Variants in CTSE observed in about 807,000 individuals in gnomAD.
The protein encoded by CTSE is cathepsin E, also known as erythrocyte membrane aspartic proteinase.
In CTSE, 43 loss-of-function variants were observed where a neutral mutation model predicts 42.8. The ratio of observed to expected loss-of-function variants is 1.01; its 90% confidence interval spans 0.79 to 1.30. The LOEUF is 1.30. Among genes scored for constraint, CTSE ranks in the 50% most tolerant of loss-of-function variants. The probability of loss-of-function intolerance (pLI) is 0.00; values close to 1 mark genes in which losing one functional copy is unlikely to be tolerated. For missense variants in CTSE, 532 were observed against 493.5 expected, an observed-to-expected ratio of 1.08 and a Z score of -0.74; for synonymous variants, 205 against 191.5, an observed-to-expected ratio of 1.07 and a Z score of -0.58.
chr1:206,023,102 C>T (rs1396339670), intron 1 of CTSE, 45 bp from the exon 2 acceptor site: 3 of 1,598,700 alleles, frequency 1.9e-6, no homozygotes, highest in African/African-American at 1.3e-5. Flanking sequence ...CTTCTGCCTC[C>T]CTCTTCCCCC....
Position 206,010,318 on chromosome 1 carries a change from G to C in CTSE, c.1056C>G (p.Ser352Arg). The C allele has an allele frequency of 6.2e-7, 1 of 1,613,722 alleles. No individual in the cohort carries two copies. The highest frequency in any genetic ancestry group is 1.7e-4 in the Middle Eastern group (1 of 6,008). ...GGATGTCAAGTCCTTGAAAGCCACT[G>C]CTGCAGAACTGCATTCCATCCACGA... Reference protein sequence around the residue: ...LDFVDGMQFCSSGFQGLDIHP... With the variant: ...LDFVDGMQFCRSGFQGLDIHP... Residue 352 changes from serine to arginine, a missense_variant, in exon 9 of 9, where the codon AGC becomes AGG. Physicochemically the swap from Ser to Arg is moderately radical, Grantham distance 110. Transcript: ENST00000358184.
intron 3 of CTSE, 154 bp from the exon 4 acceptor site, chr1:206,021,321 G>T: frequency 1.5e-6 from 1 of 647,396 alleles, no homozygotes; most frequent in Non-Finnish European, 2.8e-6. Flanking sequence ...CCTCCCTAAT[G>T]AACAACTACA....
rs782132606 is a variant in CTSE, at chr1:206,012,520, G to T, written c.915C>A (p.Pro305=). ...GGCAGGCACTCACTTCTCCATCCAC[G>T]GGGGCTGCCCCAATGGCGTTTTGCA... is the stretch of plus-strand genomic sequence containing the variant. The part of the protein sequence containing the change: ...KQLQNAIGAA[P]VDGEYAVECA... The change falls in exon 7 of 9, where the codon CCC becomes CCA. Residue 305 remains proline (P), a synonymous_variant. Coordinates refer to ENST00000358184, the MANE Select transcript of CTSE (RefSeq NM_001910.4). 6 of 1,613,968 alleles carry T rather than the reference G, an allele frequency of 3.7e-6. No homozygotes were observed. Among genetic ancestry groups the T allele is most frequent in the Non-Finnish European group, 4.2e-6 (5 of 1,179,936 alleles).
rs782763639 is a variant in CTSE, at chr1:206,009,948, TA to T, written c.*234del. Reference sequence around the variant, plus strand: ...AAAATCAATACAAAATATGAATGTATAACGTAATTCCTCCATCATGACGGTG... The same window carrying T: ...AAAATCAATACAAAATATGAATGTATACGTAATTCCTCCATCATGACGGTG... On this transcript the variant is annotated 3_prime_UTR_variant, in exon 9 of 9. Coordinates refer to ENST00000358184, the MANE Select transcript of CTSE (RefSeq NM_001910.4). 7.0e-5 allele frequency: 36 copies of T among 512,368 alleles called. No homozygotes were observed. The highest frequency in any genetic ancestry group is 9.4e-5 in the Non-Finnish European group (27 of 288,320). The allele number at this position is 512,368 out of a possible 1,614,324, so 31.7% of individuals were successfully genotyped here.
At chr1:206,012,450 C>T in intron 7 of CTSE, 44 bp from the exon 8 acceptor site, 1 of 1,613,754 alleles carries the variant, frequency 6.2e-7, no homozygotes, top group Non-Finnish European at 8.5e-7. Context: ...TTGCCACCTC[C>T]CAAGAGAAGG....
Position 206,021,060 on chromosome 1 carries a change from C to A in CTSE, c.451G>T (p.Asp151Tyr). ...TGSLSGIIGA[D>Y]QVSVEGLTVV... ...GGACTTGCACTCACAGAGACTTGGT[C>A]GGCTCCAATGATCCCGGACAAGCTC... The change falls in exon 4 of 9, where the codon GAC (aspartate) becomes TAC (tyrosine). Residue 151 changes from aspartate to tyrosine, a missense_variant. Transcript: ENST00000358184. The A allele has an allele frequency of 6.2e-7, 1 of 1,608,760 alleles. No individual in the cohort carries two copies. The highest frequency in any genetic ancestry group is 2.2e-5 in the East Asian group (1 of 44,880).
chr1:206,013,386 G>C (rs1334393886), intron 6 of CTSE, among the ~76,000 whole-genome samples: 1 of 152,024 alleles, frequency 6.6e-6, no homozygotes, highest in Non-Finnish European at 1.5e-5. Context: ...CCATTTTACA[G>C]GATAGTGGTT....
At chr1:206,012,246 G>C (rs1661121570) in intron 8 of CTSE, 62 bp downstream of exon 8, 2 of 1,369,298 alleles carry the variant, frequency 1.5e-6, no homozygotes, top group African/African-American at 1.4e-5. Context: ...CGATTGAAAA[G>C]GGGAAGTGGC....
Position 206,012,300 on chromosome 1 carries a change from G to T in CTSE, c.1026+8C>A. 6.2e-7 allele frequency: 1 copy of T among 1,609,834 alleles called. No individual in the cohort carries two copies. Among genetic ancestry groups the T allele is most frequent in the Non-Finnish European group, 8.5e-7 (1 of 1,176,272 alleles). ...CTGTGGCCTGCAGAATAAGGAAACA[G>T]TTCTTACCAGTAGGGTGTAGGCAGT... On this transcript the variant is annotated splice_region_variant and intron_variant, in intron 8 of 8. Transcript: ENST00000358184.
In CTSE at chr1:206,012,303, C is replaced by G. The variant is rs782579081; in HGVS notation, c.1026+5G>C. 1.4e-5 allele frequency: 23 copies of G among 1,610,824 alleles called. No individual in the cohort carries two copies. The highest frequency in any genetic ancestry group is 1.5e-5 in the Non-Finnish European group (18 of 1,177,284). On this transcript the variant is annotated splice_donor_5th_base_variant and intron_variant, in intron 8 of 8. Transcript: ENST00000358184. Reference sequence around the variant, plus strand: ...TGGCCTGCAGAATAAGGAAACAGTTCTTACCAGTAGGGTGTAGGCAGTTGG... The same window carrying G: ...TGGCCTGCAGAATAAGGAAACAGTTGTTACCAGTAGGGTGTAGGCAGTTGG...
At chr1:206,020,812 C>G (rs1001388311) in intron 4 of CTSE, among the ~76,000 whole-genome samples, 2 of 152,018 alleles carry the variant, frequency 1.3e-5, no homozygotes, top group Non-Finnish European at 2.9e-5. Context: ...GCTTTGTGCA[C>G]TGGGCACTGC....
rs1384842325 is a variant in CTSE, at chr1:206,012,553, A to T, written c.882T>A (p.Ile294=). The T allele has an allele frequency of 6.2e-7, 1 of 1,613,866 alleles. No homozygotes were observed. ...CCCCAATGGCGTTTTGCAGCTGCTT[A>T]ATCTTGTCGGAAGGGCCAGTGATGA... ...TSLITGPSDK[I]KQLQNAIGAA... Residue 294 remains isoleucine, a synonymous_variant, in exon 7 of 9, where the codon ATT becomes ATA. Transcript: ENST00000358184.
intron 1 of CTSE, 76 bp from the exon 2 acceptor site, chr1:206,023,133 A>C: frequency 1.0e-5 from 6 of 581,136 alleles, no homozygotes; most frequent in South Asian, 1.6e-5. Context: ...CCATTTTCTC[A>C]GGGGCCAACT....
Position 206,023,776 on chromosome 1 carries a change from G to A in CTSE, c.16C>T (p.Leu6Phe). The A allele has an allele frequency of 6.2e-7, 1 of 1,613,756 alleles. No homozygotes were observed. Among genetic ancestry groups the A allele is most frequent in the Non-Finnish European group, 8.5e-7 (1 of 1,179,810 alleles). MKTLL[L>F]LLLVLLELGE... ...AGCTCCAGGAGCACCAGCAGCAAAAGAAGGAGCGTTTTCATTGTGAGTCCG... is the reference window on the plus strand; with the variant it reads ...AGCTCCAGGAGCACCAGCAGCAAAAAAAGGAGCGTTTTCATTGTGAGTCCG... The change falls in exon 1 of 9, where the codon CTT becomes TTT. Residue 6 changes from leucine (L) to phenylalanine (F), a missense_variant. Transcript: ENST00000358184.
At position 206,021,053 on chromosome 1, in the gene CTSE, A is replaced by C. The variant is rs1661401992; in HGVS notation, c.458T>G (p.Val153Gly). The C allele has an allele frequency of 1.9e-6, 3 of 1,603,572 alleles. No individual in the cohort carries two copies. The East Asian group carries it at 6.7e-5, about 36-fold the overall frequency. ...SLSGIIGADQ[V>G]SVEGLTVVGQ... is the part of the protein sequence containing the mutation. ...AAATGAAGGACTTGCACTCACAGAG[A>C]CTTGGTCGGCTCCAATGATCCCGGA... Residue 153 changes from valine (V) to glycine (G), a missense_variant, in exon 4 of 9, where the codon GTC becomes GGC. Val to Gly is a moderately radical substitution (Grantham distance 109). Transcript: ENST00000358184.
chr1:206,022,124 C>T (rs781835119), intron 3 of CTSE, 26 bp downstream of exon 3: 1 of 1,494,938 alleles, frequency 6.7e-7, no homozygotes, highest in East Asian at 2.3e-5. Context: ...CAGACATTCT[C>T]TGCTGGTGCT....
intron 3 of CTSE, among the ~76,000 whole-genome samples, chr1:206,021,729 C>T (rs930007936): frequency 6.6e-6 from 1 of 152,008 alleles, no homozygotes; most frequent in Non-Finnish European, 1.5e-5. Flanking sequence ...CACCTGTGTG[C>T]ACCAGGAGAT....
At chr1:206,021,240 C>T in intron 3 of CTSE, 73 bp from the exon 4 acceptor site, 1 of 1,194,998 alleles carries the variant, frequency 8.4e-7, no homozygotes, top group Non-Finnish European at 1.2e-6. Flanking sequence ...TGCCACCCAG[C>T]CCCACAGCGG....
intron 3 of CTSE, among the ~76,000 whole-genome samples, chr1:206,021,770 A>T (rs74145076): frequency 0.015 from 2,250 of 151,970 alleles, 63 homozygotes; most frequent in African/African-American, 0.051. Context: ...AAACAAGCAG[A>T]CTATCTACAC....
Sources: gnomAD v4.1 joint callset for allele counts (sites outside exome capture counted in the v4.1 genomes callset) on GRCh38, gnomAD v4.1.1 for gene constraint, MANE v1.5 for transcripts, NCBI Gene and HGNC (gene_info 2026-07-23, HGNC 2026-07-21) for gene names.